The following CSTPP1 variants were observed in gnomAD, a reference collection of about 807,000 sequenced individuals.
CSTPP1 encodes centriolar satellite-associated tubulin polyglutamylase complex regulator 1.
chr11:46,949,747 A>G, the CSTPP1 span, among the ~76,000 whole-genome samples: 1 of 151,030 alleles, frequency 6.6e-6, no homozygotes, highest in East Asian at 2.0e-4. Context: ...AGCTCACTGC[A>G]ACCTCTGCCT....
chr11:46,984,807 C>G, the CSTPP1 span, among the ~76,000 whole-genome samples: 1 of 151,370 alleles, frequency 6.6e-6, no homozygotes. Context: ...GGCCATATAG[C>G]CTAAGGAAGG....
the CSTPP1 span, among the ~76,000 whole-genome samples, chr11:47,034,011 C>T: frequency 1.3e-5 from 2 of 151,962 alleles, no homozygotes; most frequent in Admixed American, 6.6e-5. Flanking sequence ...TCATCATTTA[C>T]GTTAGGTATA....
chr11:47,075,521 G>A, the CSTPP1 span, among the ~76,000 whole-genome samples: 1 of 152,190 alleles, frequency 6.6e-6, no homozygotes, highest in Non-Finnish European at 1.5e-5. Context: ...AGTAAAAACT[G>A]ATTTGGTAAA....
the CSTPP1 span, among the ~76,000 whole-genome samples, chr11:46,957,540 C>T: frequency 1.3e-5 from 2 of 152,136 alleles, no homozygotes; most frequent in Non-Finnish European, 2.9e-5. Flanking sequence ...TATCTTTTAG[C>T]TTTCTGTATT....
the CSTPP1 span, among the ~76,000 whole-genome samples, chr11:47,133,818 A>G: frequency 6.6e-6 from 1 of 152,126 alleles, no homozygotes; most frequent in Non-Finnish European, 1.5e-5. Flanking sequence ...TTCCAGTTCT[A>G]CCTCTTAAGT....
chr11:47,075,178 C>T, the CSTPP1 span, among the ~76,000 whole-genome samples: 4 of 152,132 alleles, frequency 2.6e-5, no homozygotes, highest in Admixed American at 6.6e-5. Context: ...TCGAGACCAG[C>T]TTGGCCAACA....
At chr11:47,101,185 TTTTTATTTTA>T in the CSTPP1 span, among the ~76,000 whole-genome samples, 102 of 102,370 alleles carry the variant, frequency 1.0e-3, 2 homozygotes, top group African/African-American at 3.6e-3. Flanking sequence ...TTTTTTTTTT[TTTTTATTTTA>T]TTTTTAGTAG....
the CSTPP1 span, among the ~76,000 whole-genome samples, chr11:47,125,204 G>T: frequency 6.6e-6 from 1 of 152,182 alleles, no homozygotes; most frequent in South Asian, 2.1e-4. Context: ...AGATGTGTGT[G>T]TTTATCTATA....
chr11:47,070,133 T>C, the CSTPP1 span, among the ~76,000 whole-genome samples: 2 of 152,064 alleles, frequency 1.3e-5, no homozygotes, highest in Non-Finnish European at 2.9e-5. Flanking sequence ...GTAATCTCAC[T>C]TGAGCCCAGG....
At chr11:46,988,563 G>A in the CSTPP1 span, among the ~76,000 whole-genome samples, 2 of 151,904 alleles carry the variant, frequency 1.3e-5, no homozygotes, top group Admixed American at 1.3e-4. Context: ...ACCAGAGATT[G>A]GGAAGGGTAG....
chr11:47,118,951 A>T, the CSTPP1 span, among the ~76,000 whole-genome samples: 1 of 152,202 alleles, frequency 6.6e-6, no homozygotes, highest in Non-Finnish European at 1.5e-5. Flanking sequence ...CCTTTCTCAG[A>T]GCTCAAACGC....
At chr11:47,037,498 A>G in the CSTPP1 span, among the ~76,000 whole-genome samples, 1 of 117,798 alleles carries the variant, frequency 8.5e-6, no homozygotes, top group African/African-American at 2.6e-5. Context: ...CAAGTGAACA[A>G]AGGTCTCTGG....
chr11:47,097,311 T>C, the CSTPP1 span, among the ~76,000 whole-genome samples: 1 of 120,592 alleles, frequency 8.3e-6, no homozygotes, highest in African/African-American at 3.1e-5. Context: ...AGCCGCCCCG[T>C]CCGGGAGGGA....
the CSTPP1 span, among the ~76,000 whole-genome samples, chr11:47,087,684 C>T: frequency 4.0e-5 from 6 of 151,884 alleles, no homozygotes; most frequent in East Asian, 3.9e-4. Flanking sequence ...GGCAACATGG[C>T]GAGACTCAAA....
the CSTPP1 span, among the ~76,000 whole-genome samples, chr11:47,100,644 A>AGCCTGGCATGGTGGCATAT: frequency 6.6e-6 from 1 of 152,190 alleles, no homozygotes; most frequent in Non-Finnish European, 1.5e-5. Context: ...TACAAAAATT[A>AGCCTGGCATGGTGGCATAT]GCCTGGCATG....
chr11:46,975,023 C>G, the CSTPP1 span, among the ~76,000 whole-genome samples: 1 of 129,088 alleles, frequency 7.7e-6, no homozygotes, highest in South Asian at 2.8e-4. Context: ...TGGCTCACAC[C>G]TGTAATCCCA....
At chr11:47,097,441 G>A in the CSTPP1 span, among the ~76,000 whole-genome samples, 1 of 51,974 alleles carries the variant, frequency 1.9e-5, no homozygotes, top group African/African-American at 7.1e-5. Context: ...CGCCCCGTCC[G>A]GGAGGGAGGT....
At chr11:46,979,377 A>G in the CSTPP1 span, among the ~76,000 whole-genome samples, 1 of 152,060 alleles carries the variant, frequency 6.6e-6, no homozygotes, top group African/African-American at 2.4e-5. Context: ...TTTTTTACCC[A>G]TGATACTTTC....
At chr11:47,144,430 T>A in the CSTPP1 span, among the ~76,000 whole-genome samples, 2 of 152,148 alleles carry the variant, frequency 1.3e-5, no homozygotes, top group South Asian at 2.1e-4. Context: ...CCTCAAGCGA[T>A]CTGCCTACCT....
Sources: gnomAD v4.1 joint callset for allele counts (sites outside exome capture counted in the v4.1 genomes callset) on GRCh38, gnomAD v4.1.1 for gene constraint, MANE v1.5 for transcripts, NCBI Gene and HGNC (gene_info 2026-07-23, HGNC 2026-07-21) for gene names.